COL24A1: variants seen among roughly 807,000 people sequenced by gnomAD.
COL24A1 encodes the protein collagen alpha-1(XXIV) chain.
Under a neutral mutation model 253.9 loss-of-function variants are expected in COL24A1, and 224 were observed. The observed-to-expected ratio is 0.88, with a 90% CI of 0.79 to 0.99. COL24A1 has a LOEUF of 0.99. Ranked by LOEUF, COL24A1 falls within the 50% of genes least tolerant of loss-of-function variation. COL24A1 has a pLI of 0.00. For missense variants in COL24A1, 2,131 were observed against 2,068.5 expected (o/e 1.03, Z -0.59); for synonymous variants, 685 against 673.7 (o/e 1.02, Z -0.26).
intron 7 of COL24A1, among the ~76,000 whole-genome samples, chr1:86,080,579 T>G (rs1216436853): frequency 1.3e-5 from 2 of 151,834 alleles, no homozygotes; most frequent in Non-Finnish European, 2.9e-5. Flanking sequence ...CCTACAAAAT[T>G]AAAATAATAA....
At chr1:85,972,361 AC>A (rs1692252604) in intron 20 of COL24A1, among the ~76,000 whole-genome samples, 1 of 151,612 alleles carries the variant, frequency 6.6e-6, no homozygotes, top group African/African-American at 2.4e-5. Flanking sequence ...TTTGCTCTAT[AC>A]TTTCTATACT....
intron 11 of COL24A1, among the ~76,000 whole-genome samples, chr1:86,048,905 C>T (rs72960316): frequency 7.6e-4 from 116 of 152,264 alleles, no homozygotes; most frequent in African/African-American, 2.5e-3. Context: ...AAGATGACAA[C>T]ATTTTACAAG....
At chr1:85,986,107 C>G (rs572083108) in intron 20 of COL24A1, among the ~76,000 whole-genome samples, 200 of 151,958 alleles carry the variant, frequency 1.3e-3, no homozygotes, top group Non-Finnish European at 9.1e-4. Context: ...TGTGCTCTCA[C>G]AGTATTGCTG....
intron 20 of COL24A1, among the ~76,000 whole-genome samples, chr1:85,986,070 C>A (rs1002925145): frequency 1.3e-5 from 2 of 151,804 alleles, no homozygotes; most frequent in Non-Finnish European, 3.0e-5. Flanking sequence ...ATCTTCCCTG[C>A]AAAACATAAT....
At chr1:85,896,608 C>A (rs1000348622) in intron 28 of COL24A1, among the ~76,000 whole-genome samples, 199 bp from the exon 29 acceptor site, 1 of 152,084 alleles carries the variant, frequency 6.6e-6, no homozygotes, top group Non-Finnish European at 1.5e-5. Flanking sequence ...CATTCTCCTG[C>A]CTCAGCCTCC....
chr1:86,083,141 C>CA (rs551974455), intron 7 of COL24A1, among the ~76,000 whole-genome samples: 3 of 151,694 alleles, frequency 2.0e-5, no homozygotes, highest in Non-Finnish European at 1.5e-5. Context: ...ATTAAAAATA[C>CA]AAAAAAATTA....
chr1:85,861,609 G>A (rs1027888921), intron 37 of COL24A1, among the ~76,000 whole-genome samples: 9 of 152,074 alleles, frequency 5.9e-5, no homozygotes, highest in African/African-American at 9.7e-5. Flanking sequence ...TTTGCATGTG[G>A]TTATCCAGTT....
At chr1:85,890,489 G>A (rs1198405801) in intron 31 of COL24A1, among the ~76,000 whole-genome samples, 1 of 150,242 alleles carries the variant, frequency 6.7e-6, no homozygotes, top group African/African-American at 2.5e-5. Context: ...TTTCCCTAAT[G>A]ACTAGTGATG....
intron 1 of COL24A1, chr1:86,155,953 G>T: frequency 5.4e-6 from 1 of 184,012 alleles, no homozygotes; most frequent in Non-Finnish European, 1.1e-5. Flanking sequence ...GGGGAAGCAG[G>T]ACCTCGACAG....
chr1:85,915,520 G>C (rs1241133107), intron 24 of COL24A1, among the ~76,000 whole-genome samples: 1 of 152,126 alleles, frequency 6.6e-6, no homozygotes, highest in Non-Finnish European at 1.5e-5. Context: ...TGTTGGTTCT[G>C]TTTCTCTGGA....
intron 2 of COL24A1, among the ~76,000 whole-genome samples, chr1:86,129,136 T>A (rs1420805221): frequency 6.6e-6 from 1 of 151,910 alleles, no homozygotes; most frequent in East Asian, 1.9e-4. Flanking sequence ...TGATTTAGTC[T>A]AATTTTCCAC....
chr1:86,039,857 C>T (rs1699320271), intron 12 of COL24A1, among the ~76,000 whole-genome samples: 1 of 152,142 alleles, frequency 6.6e-6, no homozygotes, highest in Non-Finnish European at 1.5e-5. Flanking sequence ...GTGAAGTATT[C>T]TGTGATGATC....
At chr1:85,948,448 C>T (rs975441954) in intron 24 of COL24A1, among the ~76,000 whole-genome samples, 2 of 140,460 alleles carry the variant, frequency 1.4e-5, no homozygotes, top group African/African-American at 5.3e-5. Flanking sequence ...GGCGTGAACC[C>T]GGGAGGCGGA....
intron 32 of COL24A1, among the ~76,000 whole-genome samples, chr1:85,882,452 A>C (rs1271877606): frequency 1.3e-5 from 2 of 152,190 alleles, no homozygotes; most frequent in Non-Finnish European, 2.9e-5. Flanking sequence ...CGACAGAGCA[A>C]GACTCCGTCT....
intron 37 of COL24A1, among the ~76,000 whole-genome samples, chr1:85,862,798 C>T (rs540757196): frequency 5.7e-4 from 87 of 152,284 alleles, no homozygotes; most frequent in African/African-American, 2.0e-3. Flanking sequence ...CCCTAAATTC[C>T]CAACTGATTG....
intron 2 of COL24A1, among the ~76,000 whole-genome samples, chr1:86,131,371 T>TTA (rs1182819913): frequency 6.6e-6 from 1 of 152,198 alleles, no homozygotes; most frequent in Admixed American, 6.6e-5. Flanking sequence ...GTTTTCTTTT[T>TTA]TATATATATA....
At chr1:85,925,246 C>G (rs1301161456) in intron 24 of COL24A1, among the ~76,000 whole-genome samples, 2 of 152,188 alleles carry the variant, frequency 1.3e-5, no homozygotes, top group Non-Finnish European at 2.9e-5. Flanking sequence ...GGCCATACTG[C>G]CCAAGGTAAT....
intron 7 of COL24A1, 36 bp downstream of exon 7, chr1:86,089,138 G>A (rs12405791): frequency 0.56 from 842,478 of 1,515,688 alleles, 240,107 homozygotes; most frequent in Non-Finnish European, 0.58. Context: ...AAGAAAAAAA[G>A]AAGAAAAAAA....
Position 85,896,479 on chromosome 1 carries a change from C to G in COL24A1, c.2779-70G>C, listed in dbSNP as rs996457725. 16 of 1,281,792 alleles carry G rather than the reference C, an allele frequency of 1.2e-5. 1 individual carries two copies. The South Asian group carries it at 1.3e-4, about 10-fold the overall frequency. The allele number at this position is 1,281,792 out of a possible 1,614,324, so 79.4% of individuals were successfully genotyped here. A position where few individuals can be genotyped will look rare whatever the true frequency, so the allele number is the denominator to read the frequency against. On this transcript the variant is annotated intron_variant, in intron 28 of 59. Coordinates refer to ENST00000370571, the MANE Select transcript of COL24A1 (RefSeq NM_152890.7). ...TTTTTTTTCTTAACAGTTATGTGTC[C>G]TCACAGATGAACATGTTGATGATTT...
Sources: allele counts gnomAD v4.1 joint callset (sites outside exome capture counted in the v4.1 genomes callset), GRCh38; gene constraint gnomAD v4.1.1; transcripts MANE v1.5; gene names NCBI Gene and HGNC (gene_info 2026-07-23, HGNC 2026-07-21).